The following TEX46 variants were observed in gnomAD, a reference collection of about 807,000 sequenced individuals.
TEX46 encodes the protein testis expressed 46.
TEX46 carries 6 observed loss-of-function variants against 5.3 expected under a neutral mutation model. The ratio of observed to expected loss-of-function variants is 1.13; its 90% confidence interval spans 0.62 to 2.23. The LOEUF (loss-of-function observed/expected upper bound fraction) is 2.23, where lower values mean the gene tolerates loss of function less well. TEX46 is among the 30% of genes most tolerant of loss of function. The pLI, the probability that TEX46 is intolerant of heterozygous loss-of-function variation, is 0.00. For synonymous variants in TEX46, 41 were observed against 54.6 expected, an observed-to-expected ratio of 0.75 and a Z score of 1.10; for missense variants, 131 against 150.9, an observed-to-expected ratio of 0.87 and a Z score of 0.69.
intron 2 of TEX46, among the ~76,000 whole-genome samples, chr1:23,013,139 A>T (rs1641375885): frequency 6.6e-6 from 1 of 152,044 alleles, no homozygotes; most frequent in South Asian, 2.1e-4. Context: ...AAGTGCAGGG[A>T]TTATAGCTGT....
chr1:23,010,990 G>T lies in TEX46; in HGVS notation c.277C>A (p.Arg93=). Residue 93 remains arginine (R), a synonymous_variant, in exon 3 of 3, where the codon CGG becomes AGG. Transcript: ENST00000566855. ...MNHHGRSSRH[R]NFPMKKHRMR... The stretch of plus-strand genomic sequence containing the variant: ...CTGTGTTTTTTCATGGGAAAATTCC[G>T]ATGTCTGCTTGACCGCCCGTGGTGA... 1 of 1,535,752 alleles carries T rather than the reference G, an allele frequency of 6.5e-7. No homozygotes were observed. The highest frequency in any genetic ancestry group is 8.7e-7 in the Non-Finnish European group (1 of 1,146,632).
At chr1:23,014,720 A>C (rs1641396804) in intron 1 of TEX46, among the ~76,000 whole-genome samples, 1 of 151,910 alleles carries the variant, frequency 6.6e-6, no homozygotes, top group African/African-American at 2.4e-5. Context: ...TGCCCAGCTA[A>C]TTAAAAAAAA....
At chr1:23,014,142 C>T (rs1204787391) in intron 1 of TEX46, 97 bp from the exon 2 acceptor site, 2 of 1,451,584 alleles carry the variant, frequency 1.4e-6, no homozygotes, top group East Asian at 5.0e-5. Context: ...GTCACGGCCA[C>T]CCACTCCTCT....
At position 23,015,701 on chromosome 1, in the gene TEX46, C is replaced by T. The variant is rs1211471081; in HGVS notation, c.2+71G>A. 1.2e-5 allele frequency: 8 copies of T among 680,780 alleles called. No individual in the cohort carries two copies. In the Admixed American group the frequency reaches 1.3e-4, roughly 11 times the overall value. The allele number at this position is 680,780 out of a possible 1,614,324, so 42.2% of individuals were successfully genotyped here. The stretch of plus-strand genomic sequence containing the variant: ...CTAACATGTTACAACATAGATGAAC[C>T]TTGAGGACATTAAGCTAAGTGAAAT... On this transcript the variant is annotated intron_variant, in intron 1 of 2. Coordinates refer to ENST00000566855, the MANE Select transcript of TEX46 (RefSeq NM_001242521.2).
rs61258225 is a variant in TEX46 at position 23,015,436 on chromosome 1, C to CAAAAAAAAAAAAAAAAAAA, written c.2+317_2+335dup. Among the ~76,000 whole-genome samples the CAAAAAAAAAAAAAAAAAAA allele has an allele frequency of 1.1e-4, 3 of 27,766 alleles. 1 individual carries two copies. The highest frequency in any genetic ancestry group is 1.6e-4 in the African/African-American group (1 of 6,448). 18.2% of individuals were successfully genotyped at this position (27,766 alleles called of 152,430 possible). On this transcript the variant is annotated intron_variant, in intron 1 of 2. Transcript: ENST00000566855. Reference sequence around the variant, plus strand: ...GGGCGACAACAGTAAGACTCCTTCTCAAAAAAAAAAAAAAAAAAAAAAAAA... The same window carrying CAAAAAAAAAAAAAAAAAAA: ...GGGCGACAACAGTAAGACTCCTTCTCAAAAAAAAAAAAAAAAAAAAAAAAAAAAAAAAAAAAAAAAAAAA...
rs540833716 is a variant in TEX46 at position 23,011,120 on chromosome 1, A to G, written c.166-19T>C. The G allele has an allele frequency of 4.6e-5, 70 of 1,531,950 alleles. No individual in the cohort carries two copies. The African/African-American group carries it at 8.5e-4, about 19-fold the overall frequency. 94.9% of individuals were successfully genotyped at this position (1,531,950 alleles called of 1,614,324 possible). On this transcript the variant is annotated intron_variant, in intron 2 of 2. Coordinates refer to ENST00000566855, the MANE Select transcript of TEX46 (RefSeq NM_001242521.2). ...TCTCGTCCTGGAGGGCAAAGCAGGC[A>G]TGCGTTCTATTGACTTCTTTTGTGT...
chr1:23,015,509 A>G (rs1641408165), intron 1 of TEX46, among the ~76,000 whole-genome samples: 1 of 149,762 alleles, frequency 6.7e-6, no homozygotes, highest in African/African-American at 2.5e-5. Context: ...GGTATTCCCA[A>G]AGAATTGAAA....
intron 1 of TEX46, chr1:23,014,270 A>G: frequency 2.7e-6 from 1 of 365,904 alleles, no homozygotes; most frequent in Non-Finnish European, 3.8e-6. Flanking sequence ...TGAAAGCATT[A>G]TCTCATGATG....
rs776503053 is a variant in TEX46, at chr1:23,010,889, G to A, written c.*12C>T. 1.4e-5 allele frequency: 21 copies of A among 1,521,644 alleles called. No individual in the cohort carries two copies. Among genetic ancestry groups the A allele is most frequent in the African/African-American group, 1.4e-4 (10 of 72,810 alleles). The allele number at this position is 1,521,644 out of a possible 1,614,324, so 94.3% of individuals were successfully genotyped here. A position where few individuals can be genotyped will look rare whatever the true frequency, so the allele number is the denominator to read the frequency against. On this transcript the variant is annotated 3_prime_UTR_variant, in exon 3 of 3. Coordinates refer to ENST00000566855, the MANE Select transcript of TEX46 (RefSeq NM_001242521.2). The stretch of plus-strand genomic sequence containing the variant: ...AGGTAACATCGGCAGAGGCCAGCCC[G>A]CCTCGGCCTCATTAGCTGGGGGAAC...
At chr1:23,015,411 G>A (rs527412288) in intron 1 of TEX46, among the ~76,000 whole-genome samples, 31 of 111,286 alleles carry the variant, frequency 2.8e-4, no homozygotes, top group African/African-American at 1.1e-3. Context: ...ACTCCAGCCT[G>A]GGCGACAACA....
rs1396416357 is a variant in TEX46, at chr1:23,010,855, T to C, written c.*46A>G. On this transcript the variant is annotated 3_prime_UTR_variant, in exon 3 of 3. Transcript: ENST00000566855. ...TCAATAGGCTGTGACTGGGTTTTACTGAGGTAAAAGGTAACATCGGCAGAG... is the reference window on the plus strand; with the variant it reads ...TCAATAGGCTGTGACTGGGTTTTACCGAGGTAAAAGGTAACATCGGCAGAG... The C allele has an allele frequency of 1.1e-5, 15 of 1,397,646 alleles. No homozygotes were observed. Among genetic ancestry groups the C allele is most frequent in the Non-Finnish European group, 1.4e-5 (14 of 1,031,064 alleles). The allele number at this position is 1,397,646 out of a possible 1,614,324, so 86.6% of individuals were successfully genotyped here. A position where few individuals can be genotyped will look rare whatever the true frequency, so the allele number is the denominator to read the frequency against.
In TEX46 at chr1:23,013,927, A is replaced by C. The variant is rs1486645541; in HGVS notation, c.121T>G (p.Leu41Val). The C allele has an allele frequency of 6.5e-7, 1 of 1,536,098 alleles. No homozygotes were observed. Among genetic ancestry groups the C allele is most frequent in the Non-Finnish European group, 8.7e-7 (1 of 1,146,900 alleles). ...LFLLLLLSNW[L>V]VKYEHKLTLP... ...GTGAGCTTGTGTTCATACTTGACCA[A>C]CCAGTTGCTAAGCAACAGCAGAAGG... Residue 41 changes from leucine (L) to valine (V), a missense_variant, in exon 2 of 3, where the codon TTG (leucine) becomes GTG (valine). Transcript: ENST00000566855.
intron 2 of TEX46, 77 bp downstream of exon 2, chr1:23,013,806 C>T (rs1292382852): frequency 1.5e-6 from 2 of 1,356,330 alleles, no homozygotes; most frequent in South Asian, 2.7e-5. Context: ...CGACACCTAC[C>T]CTGTTCCCTA....
At chr1:23,015,284 A>G (rs1641403644) in intron 1 of TEX46, among the ~76,000 whole-genome samples, 1 of 151,608 alleles carries the variant, frequency 6.6e-6, no homozygotes. Context: ...AAAAATACAA[A>G]AATTAGCCAG....
Position 23,013,882 on chromosome 1 carries a change from C to T in TEX46, c.165+1G>A, listed in dbSNP as rs774588838. On this transcript the variant is annotated splice_donor_variant, in intron 2 of 2. Transcript: ENST00000566855. LOFTEE classifies it high-confidence loss of function. ...GAAGCCAAGCCCCATCTTGTGCTCACCTGCTGGGGCTCTGGGAGGGTGAGC... is the reference window on the plus strand; with the variant it reads ...GAAGCCAAGCCCCATCTTGTGCTCATCTGCTGGGGCTCTGGGAGGGTGAGC... 5.9e-6 allele frequency: 9 copies of T among 1,535,766 alleles called. No homozygotes were observed.
rs1375638139 is a variant in TEX46 at position 23,011,085 on chromosome 1, C to T, written c.182G>A (p.Arg61Gln). 22 of 1,535,802 alleles carry T rather than the reference C, an allele frequency of 1.4e-5. No homozygotes were observed. Among genetic ancestry groups the T allele is most frequent in the Admixed American group, 5.9e-5 (3 of 50,942 alleles). Residue 61 changes from arginine to glutamine, a missense_variant, in exon 3 of 3, where the codon CGG becomes CAG. Coordinates refer to ENST00000566855, the MANE Select transcript of TEX46 (RefSeq NM_001242521.2). Reference protein sequence around the residue: ...PEPQQDEILQRLLFSEMKMKV... With the variant: ...PEPQQDEILQQLLFSEMKMKV... ...CATCTTCATTTCACTGAACAACAGC[C>T]GTTGGAGGATCTCGTCCTGGAGGGC...
chr1:23,012,855 G>A (rs1641371716), intron 2 of TEX46, among the ~76,000 whole-genome samples: 1 of 148,604 alleles, frequency 6.7e-6, no homozygotes, highest in Non-Finnish European at 1.5e-5. Flanking sequence ...AAATAAGATA[G>A]GCTATTGTTT....
intron 1 of TEX46, among the ~76,000 whole-genome samples, chr1:23,015,307 G>A (rs968379512): frequency 4.6e-5 from 7 of 151,254 alleles, no homozygotes; most frequent in African/African-American, 7.3e-5. Flanking sequence ...GTGGTTGCGG[G>A]CGCCTGTCAT....
intron 2 of TEX46, among the ~76,000 whole-genome samples, chr1:23,012,991 A>G (rs563517904): frequency 6.7e-6 from 1 of 149,472 alleles, no homozygotes; most frequent in African/African-American, 2.5e-5. Context: ...CAGTCTCCTG[A>G]GTAGCTGAGA....
Sources: allele counts gnomAD v4.1 joint callset (sites outside exome capture counted in the v4.1 genomes callset), GRCh38; gene constraint gnomAD v4.1.1; transcripts MANE v1.5; gene names NCBI Gene and HGNC (gene_info 2026-07-23, HGNC 2026-07-21).